The following CELF4 variants were observed in gnomAD, a reference collection of about 807,000 sequenced individuals.
CELF4 encodes CUG-BP- and ETR-3-like factor 4.
A neutral mutation model predicts 59.9 loss-of-function variants in CELF4; 18 were observed. That is an observed-to-expected ratio of 0.30 (90% CI 0.21 to 0.45). The LOEUF (loss-of-function observed/expected upper bound fraction) is 0.45, where lower values mean the gene tolerates loss of function less well. Among genes scored for constraint, CELF4 ranks in the 20% least tolerant of loss-of-function variants. CELF4 has a pLI of 1.00. For missense variants in CELF4, 456 were observed against 689.0 expected (o/e 0.66, Z 3.79); for synonymous variants, 261 against 267.1 (o/e 0.98, Z 0.22).
In CELF4 at chr18:37,253,667, G is replaced by A. The variant is rs1000284855; in HGVS notation, c.*44+100C>T. On this transcript the variant is annotated intron_variant, in intron 12 of 12. Coordinates refer to ENST00000420428, the MANE Select transcript of CELF4 (RefSeq NM_020180.4). This position sits in a 1 kb window ranked among gnomAD's most constrained non-coding sequence, Gnocchi z 4.5. ...GTTGAGCCGGGCGCAGCGGGTCCAA[G>A]GCACCAGTGAGGGTCCGGCCCACGG... 3.4e-6 allele frequency: 3 copies of A among 882,670 alleles called. No homozygotes were observed. The African/African-American group carries it at 5.3e-5, about 16-fold the overall frequency. The allele number at this position is 882,670 out of a possible 1,614,324, so 54.7% of individuals were successfully genotyped here.
chr18:37,273,480 A>T, intron 6 of CELF4: 1 of 1,067,450 alleles, frequency 9.4e-7, no homozygotes, highest in Non-Finnish European at 1.1e-6. Context: ...ATTCGTGGGG[A>T]AGTGACATCC....
chr18:37,266,940 G>T (rs551832508), intron 8 of CELF4, among the ~76,000 whole-genome samples: 111 of 152,178 alleles, frequency 7.3e-4, no homozygotes, highest in Non-Finnish European at 1.4e-3. Flanking sequence ...CTGGTGGTGG[G>T]GGGGGACACA....
At chr18:37,500,724 C>T (rs866527487) in intron 1 of CELF4, among the ~76,000 whole-genome samples, 9 of 151,824 alleles carry the variant, frequency 5.9e-5, no homozygotes, top group South Asian at 2.1e-4. Context: ...TTAGTAGAGA[C>T]GGGGTTTCAC....
At chr18:37,273,219 G>A (rs1407540070) in intron 6 of CELF4, 56 bp from the exon 7 acceptor site, 18 of 1,571,268 alleles carry the variant, frequency 1.1e-5, no homozygotes, top group Middle Eastern at 1.7e-4. Context: ...ATCCCTCCCC[G>A]ACAGGGGCCT....
At chr18:37,546,804 C>A (rs2099981548) in intron 1 of CELF4, among the ~76,000 whole-genome samples, 1 of 152,232 alleles carries the variant, frequency 6.6e-6, no homozygotes, top group Non-Finnish European at 1.5e-5. Context: ...ACACCACAGC[C>A]TGCTCTGTGC....
Position 37,363,196 on chromosome 18 carries a change from G to T in CELF4, c.370-41315C>A, listed in dbSNP as rs576369900. Among the ~76,000 whole-genome samples the T allele has an allele frequency of 2.6e-5, 4 of 152,214 alleles. No individual in the cohort carries two copies. The South Asian group carries it at 6.2e-4, about 24-fold the overall frequency. ...GGCTGTGTGGGGAGGGGACGAGGGTGGGGGAGGTTAGGAGGTGCTGAGTAG... is the reference window on the plus strand; with the variant it reads ...GGCTGTGTGGGGAGGGGACGAGGGTTGGGGAGGTTAGGAGGTGCTGAGTAG... On this transcript the variant is annotated intron_variant, in intron 2 of 12. Transcript: ENST00000420428.
At chr18:37,494,031 A>G (rs1461534311) in intron 1 of CELF4, among the ~76,000 whole-genome samples, 1 of 152,134 alleles carries the variant, frequency 6.6e-6, no homozygotes, top group Admixed American at 6.5e-5. Flanking sequence ...TCTCCCAGGA[A>G]AGGGACCAAC....
At chr18:37,439,710 G>T (rs2099706097) in intron 2 of CELF4, among the ~76,000 whole-genome samples, 1 of 152,126 alleles carries the variant, frequency 6.6e-6, no homozygotes, top group South Asian at 2.1e-4. Flanking sequence ...TCCCAGGTAG[G>T]AACCAATTGA....
Position 37,434,899 on chromosome 18 carries a change from T to C in CELF4, c.369+50626A>G, listed in dbSNP as rs76602749. Among the ~76,000 whole-genome samples, 24 of 152,296 alleles carry C rather than the reference T, an allele frequency of 1.6e-4. No homozygotes were observed. The East Asian group carries it at 4.3e-3, about 27-fold the overall frequency. ...CCCCTCCTTTTCCCAGTTGAAGCCC[T>C]GAGCAGGGAAAATGGGCATCTTGTC... On this transcript the variant is annotated intron_variant, in intron 2 of 12. Coordinates refer to ENST00000420428, the MANE Select transcript of CELF4 (RefSeq NM_020180.4).
chr18:37,457,258 G>C (rs911396420), intron 2 of CELF4, among the ~76,000 whole-genome samples: 1 of 152,152 alleles, frequency 6.6e-6, no homozygotes, highest in Non-Finnish European at 1.5e-5. Flanking sequence ...GCGGCTGATC[G>C]TGGCCCCTCG....
At chr18:37,522,906 C>T (rs559908909) in intron 1 of CELF4, among the ~76,000 whole-genome samples, 105 of 152,322 alleles carry the variant, frequency 6.9e-4, no homozygotes, top group Admixed American at 1.4e-3. Flanking sequence ...AACCATCCCT[C>T]ATTAGTCCCC....
intron 2 of CELF4, among the ~76,000 whole-genome samples, chr18:37,420,419 G>A (rs1418891424): frequency 1.3e-5 from 2 of 152,246 alleles, no homozygotes; most frequent in African/African-American, 4.8e-5. Flanking sequence ...GAGAATGGCT[G>A]TGAACGGGAA....
chr18:37,264,727 A>C lies in CELF4; in HGVS notation c.1196T>G (p.Ile399Arg). Residue 399 changes from isoleucine (I) to arginine (R), a missense_variant, in exon 10 of 13, where the codon ATA (isoleucine) becomes AGA (arginine). By Grantham distance (97) the Ile-to-Arg change is moderately conservative. Coordinates refer to ENST00000420428, the MANE Select transcript of CELF4 (RefSeq NM_020180.4). The stretch of plus-strand genomic sequence containing the variant: ...AGGCGGCTGAGGAAAGGCCTGGCTT[A>C]TCTGACCATAGGCAGCAGGGTAGGC... ...PAAYPAAYGQ[I>R]SQAFPQPPPM... 6.3e-7 allele frequency: 1 copy of C among 1,580,380 alleles called. No individual in the cohort carries two copies. The highest frequency in any genetic ancestry group is 8.6e-7 in the Non-Finnish European group (1 of 1,162,314).
intron 1 of CELF4, among the ~76,000 whole-genome samples, chr18:37,512,077 A>T (rs1434268177): frequency 6.6e-6 from 1 of 152,230 alleles, no homozygotes; most frequent in Non-Finnish European, 1.5e-5. Flanking sequence ...ACAAAGCAGC[A>T]GTCTGGGGCC....
intron 2 of CELF4, among the ~76,000 whole-genome samples, chr18:37,367,986 C>T (rs983542179): frequency 5.9e-5 from 9 of 151,876 alleles, no homozygotes; most frequent in Non-Finnish European, 1.2e-4. Flanking sequence ...TGAGAGGAGG[C>T]GGCATGGTGC....
At chr18:37,305,872 C>T (rs796465309) in intron 3 of CELF4, 1 of 152,270 alleles carries the variant, frequency 6.6e-6, no homozygotes, top group Admixed American at 6.5e-5. Flanking sequence ...TGCTTTGATT[C>T]TACATCTGTC....
chr18:37,287,664 C>T (rs780141926), intron 3 of CELF4, among the ~76,000 whole-genome samples: 2 of 152,188 alleles, frequency 1.3e-5, no homozygotes, highest in Non-Finnish European at 2.9e-5. Flanking sequence ...TTCCAGCCAC[C>T]ATGGCCCTCC....
Position 37,243,594 on chromosome 18 carries a change from T to A in CELF4, c.*1648A>T, listed in dbSNP as rs2061004377. 1 of 152,236 alleles carries A rather than the reference T, an allele frequency of 6.6e-6. No homozygotes were observed. The highest frequency in any genetic ancestry group is 1.5e-5 in the Non-Finnish European group (1 of 68,050). The allele number at this position is 152,236 out of a possible 1,614,324, so 9.4% of individuals were successfully genotyped here. On this transcript the variant is annotated 3_prime_UTR_variant, in exon 13 of 13. Transcript: ENST00000420428. The stretch of plus-strand genomic sequence containing the variant: ...CTTTCATTAAATAGTTTTCCTTGTT[T>A]TTTTCTCTATCATTACAATTAAAAG...
Position 37,274,894 on chromosome 18 carries a change from C to G in CELF4, c.578-10G>C. The G allele has an allele frequency of 6.2e-7, 1 of 1,603,882 alleles. No homozygotes were observed. The highest frequency in any genetic ancestry group is 8.5e-7 in the Non-Finnish European group (1 of 1,175,948). ...TTCACAAAGGCGCACCCTGCGAGGA[C>G]GCGAGAGGCCGAGCTGGGACCCAGA... On this transcript the variant is annotated splice_polypyrimidine_tract_variant and intron_variant, in intron 4 of 12. Coordinates refer to ENST00000420428, the MANE Select transcript of CELF4 (RefSeq NM_020180.4).
Sources: allele counts gnomAD v4.1 joint callset (sites outside exome capture counted in the v4.1 genomes callset), GRCh38; gene constraint gnomAD v4.1.1; non-coding constraint Gnocchi (gnomAD v3.1); transcripts MANE v1.5; gene names NCBI Gene and HGNC (gene_info 2026-07-23, HGNC 2026-07-21).